DTNBP1: variants seen among roughly 807,000 people sequenced by gnomAD.
The protein encoded by DTNBP1 is dysbindin.
In DTNBP1, 35 loss-of-function variants were observed where a neutral mutation model predicts 42.8. The ratio of observed to expected loss-of-function variants is 0.82; its 90% CI spans 0.63 to 1.09. The LOEUF is 1.09. Ranked by LOEUF, DTNBP1 falls within the 50% of genes least tolerant of loss-of-function variation. The pLI is 0.00. For synonymous variants in DTNBP1, 171 were observed against 162.2 expected, an observed-to-expected ratio of 1.05 and a Z score of -0.41; for missense variants, 457 against 424.2, an observed-to-expected ratio of 1.08 and a Z score of -0.68.
chr6:15,556,169 G>C (rs1774506408), intron 7 of DTNBP1, among the ~76,000 whole-genome samples: 1 of 151,984 alleles, frequency 6.6e-6, no homozygotes, highest in Non-Finnish European at 1.5e-5. Context: ...CTAAGAAATA[G>C]GGAGTTAAAA....
intron 7 of DTNBP1, among the ~76,000 whole-genome samples, chr6:15,576,501 A>G (rs1266883116): frequency 6.6e-6 from 1 of 151,604 alleles, no homozygotes; most frequent in Non-Finnish European, 1.5e-5. Flanking sequence ...TTAGGCTGGT[A>G]GCAGTGGCTC....
At chr6:15,634,941 C>T (rs959431600) in intron 4 of DTNBP1, among the ~76,000 whole-genome samples, 1 of 152,166 alleles carries the variant, frequency 6.6e-6, no homozygotes, top group African/African-American at 2.4e-5. Flanking sequence ...TCCTGAATTA[C>T]ATTCTTTAGA....
chr6:15,658,975 T>C lies in DTNBP1; in HGVS notation c.56+3839A>G, dbSNP rs186472522. Among the ~76,000 whole-genome samples, 6 of 152,272 alleles carry C rather than the reference T, an allele frequency of 3.9e-5. No individual in the cohort carries two copies. The East Asian group carries it at 5.8e-4, about 15-fold the overall frequency. On this transcript the variant is annotated intron_variant, in intron 1 of 9. Transcript: ENST00000344537. ...ATGTAATCACTAGTTTTTCTCAAGG[T>C]TGACATAATTGTTACTACGCATAAA...
chr6:15,610,295 ATT>A (rs1758320248), intron 6 of DTNBP1, among the ~76,000 whole-genome samples: 1 of 152,104 alleles, frequency 6.6e-6, no homozygotes, highest in Admixed American at 6.5e-5. Flanking sequence ...TATTGTTGTC[ATT>A]GTTTTGGGGT....
chr6:15,662,984 C>T lies in DTNBP1; in HGVS notation c.-115G>A, dbSNP rs1329870509. 2.1e-6 allele frequency: 3 copies of T among 1,424,542 alleles called. No individual in the cohort carries two copies. Among genetic ancestry groups the T allele is most frequent in the Non-Finnish European group, 2.9e-6 (3 of 1,034,218 alleles). The allele number at this position is 1,424,542 out of a possible 1,614,324, so 88.2% of individuals were successfully genotyped here. On this transcript the variant is annotated 5_prime_UTR_variant, in exon 1 of 10. Transcript: ENST00000344537. ...CACCGCGCGCCCCGCACTCCCACTA[C>T]CGGCCCCGCCCCCGGTCTGGTCCTC...
chr6:15,642,700 A>G (rs1760447974), intron 3 of DTNBP1, among the ~76,000 whole-genome samples: 1 of 152,226 alleles, frequency 6.6e-6, no homozygotes, highest in South Asian at 2.1e-4. Flanking sequence ...ACTACACAGA[A>G]GCTATCCATA....
At chr6:15,545,596 G>GT (rs147001569) in intron 7 of DTNBP1, among the ~76,000 whole-genome samples, 18,925 of 152,068 alleles carry the variant, frequency 0.12, 1,474 homozygotes, top group African/African-American at 0.22. Context: ...AATAATGGCA[G>GT]TTTTTTTGCA....
At chr6:15,626,535 C>A (rs1182219119) in intron 5 of DTNBP1, among the ~76,000 whole-genome samples, 1 of 152,142 alleles carries the variant, frequency 6.6e-6, no homozygotes, top group East Asian at 1.9e-4. Flanking sequence ...ATACAGACAG[C>A]TCCTACCTCC....
chr6:15,614,810 A>C (rs556160029), intron 6 of DTNBP1, among the ~76,000 whole-genome samples: 82 of 152,334 alleles, frequency 5.4e-4, no homozygotes, highest in Non-Finnish European at 9.8e-4. Flanking sequence ...AGGCCAAGAG[A>C]GATAAAATAA....
chr6:15,637,975 T>C (rs1392637279), intron 3 of DTNBP1, among the ~76,000 whole-genome samples, 171 bp from the exon 4 acceptor site: 1 of 152,156 alleles, frequency 6.6e-6, no homozygotes, highest in South Asian at 2.1e-4. Flanking sequence ...AGTGGCCAAA[T>C]CTGTGACAAT....
intron 8 of DTNBP1, among the ~76,000 whole-genome samples, chr6:15,531,656 A>T (rs964654787): frequency 6.6e-6 from 1 of 152,038 alleles, no homozygotes; most frequent in Non-Finnish European, 1.5e-5. Flanking sequence ...ATTTTTTGAG[A>T]TGGAGTCTTG....
Position 15,613,091 on chromosome 6 carries a change from A to G in DTNBP1, c.488+2176T>C, listed in dbSNP as rs1031363451. On this transcript the variant is annotated intron_variant, in intron 6 of 9. Transcript: ENST00000344537. ...GGGAGGCTGAGGCGAGTGGATCATC[A>G]GAGGTCAGGGGTTTGAGACCAGCCT... Among the ~76,000 whole-genome samples, 3 of 151,894 alleles carry G rather than the reference A, an allele frequency of 2.0e-5. No individual in the cohort carries two copies. In the East Asian group the frequency reaches 5.9e-4, roughly 30 times the overall value.
At chr6:15,523,362 A>T in intron 9 of DTNBP1, 143 bp from the exon 10 acceptor site, 1 of 1,329,626 alleles carries the variant, frequency 7.5e-7, no homozygotes, top group Non-Finnish European at 1.0e-6. Flanking sequence ...GAACTTGGGA[A>T]CTGCCCTGGA....
chr6:15,610,982 A>G (rs968013620), intron 6 of DTNBP1, among the ~76,000 whole-genome samples: 1 of 152,254 alleles, frequency 6.6e-6, no homozygotes. Context: ...GAAGGTGGCT[A>G]TGCTAAACAG....
intron 5 of DTNBP1, among the ~76,000 whole-genome samples, chr6:15,618,926 C>T (rs1187321036): frequency 2.6e-5 from 4 of 152,172 alleles, no homozygotes; most frequent in African/African-American, 9.7e-5. Context: ...TCATTCGCAG[C>T]AACATGGATA....
intron 6 of DTNBP1, among the ~76,000 whole-genome samples, chr6:15,596,375 C>T (rs958752924): frequency 3.9e-5 from 6 of 152,186 alleles, no homozygotes; most frequent in African/African-American, 1.2e-4. Context: ...TCCCTCGCTT[C>T]GCATTCACTC....
At chr6:15,594,901 G>C (rs1046326263) in intron 6 of DTNBP1, among the ~76,000 whole-genome samples, 1 of 152,114 alleles carries the variant, frequency 6.6e-6, no homozygotes, top group African/African-American at 2.4e-5. Context: ...CACAGACACT[G>C]TTATTCTCCT....
intron 5 of DTNBP1, among the ~76,000 whole-genome samples, chr6:15,616,258 A>C (rs918748470): frequency 2.0e-5 from 3 of 152,248 alleles, no homozygotes; most frequent in African/African-American, 7.2e-5. Context: ...TTCTTATACG[A>C]AAGAAAAGCT....
chr6:15,605,400 A>T (rs1252980378), intron 6 of DTNBP1, among the ~76,000 whole-genome samples: 1 of 152,020 alleles, frequency 6.6e-6, no homozygotes, highest in Non-Finnish European at 1.5e-5. Flanking sequence ...ACAGTCCTAG[A>T]TCCTCATATG....
Sources: gnomAD v4.1 joint callset for allele counts (sites outside exome capture counted in the v4.1 genomes callset) on GRCh38, gnomAD v4.1.1 for gene constraint, MANE v1.5 for transcripts, NCBI Gene and HGNC (gene_info 2026-07-23, HGNC 2026-07-21) for gene names.